Variants in NRXN3 observed in about 807,000 individuals in gnomAD.
The protein encoded by NRXN3 is neurexin 3, also known as neurexin III.
NRXN3 carries 32 observed loss-of-function variants against 137.6 expected under a neutral mutation model. The observed-to-expected ratio is 0.23, with a 90% CI of 0.18 to 0.31. The LOEUF is 0.31. Among genes scored for constraint, NRXN3 ranks in the 10% least tolerant of loss-of-function variants. The pLI is 1.00. For missense variants in NRXN3, 1,574 were observed against 2,062.5 expected (o/e 0.76, Z 4.59); for synonymous variants, 798 against 784.5 (o/e 1.02, Z -0.29).
intron 19 of NRXN3, among the ~76,000 whole-genome samples, chr14:79,798,780 G>A (rs2099168310): frequency 6.6e-6 from 1 of 152,190 alleles, no homozygotes; most frequent in Admixed American, 6.5e-5. Context: ...AAACGGTCTT[G>A]AGCAGTTCTG....
chr14:78,297,993 G>A lies in NRXN3; in HGVS notation c.757+133G>A, dbSNP rs1217329813. 4.9e-6 allele frequency: 5 copies of A among 1,021,534 alleles called. No individual in the cohort carries two copies. In the African/African-American group the frequency reaches 6.4e-5, roughly 13 times the overall value. 63.3% of individuals were successfully genotyped at this position (1,021,534 alleles called of 1,614,324 possible). Reference sequence around the variant, plus strand: ...CTTCCTGCGCTGGGCCAGGCTGGCTGCAGGACCACCCTGCAGTGGGGGTGG... The same window carrying A: ...CTTCCTGCGCTGGGCCAGGCTGGCTACAGGACCACCCTGCAGTGGGGGTGG... On this transcript the variant is annotated intron_variant, in intron 4 of 20. Coordinates refer to ENST00000335750, the MANE Select transcript of NRXN3 (RefSeq NM_001330195.2).
chr14:79,768,416 C>G (rs1475718751), intron 19 of NRXN3, among the ~76,000 whole-genome samples: 3 of 152,212 alleles, frequency 2.0e-5, no homozygotes, highest in Admixed American at 6.5e-5. Flanking sequence ...CAGCACGCAG[C>G]TGGAGATCTG....
intron 15 of NRXN3, among the ~76,000 whole-genome samples, chr14:79,230,406 CT>C (rs1336628611): frequency 6.6e-6 from 1 of 152,070 alleles, no homozygotes; most frequent in Non-Finnish European, 1.5e-5. Context: ...AGCATCTTAC[CT>C]ACATAAACTG....
chr14:79,604,293 G>A (rs975381098), intron 16 of NRXN3, among the ~76,000 whole-genome samples: 2 of 152,000 alleles, frequency 1.3e-5, no homozygotes, highest in African/African-American at 4.8e-5. Flanking sequence ...GGAGTGCAGT[G>A]GTGTGATCTC....
intron 15 of NRXN3, among the ~76,000 whole-genome samples, chr14:79,290,694 G>T (rs1284074305): frequency 6.7e-6 from 1 of 149,890 alleles, no homozygotes. Flanking sequence ...TAGCCACCAC[G>T]CTGGTTGAAA....
intron 1 of NRXN3, among the ~76,000 whole-genome samples, chr14:78,208,127 G>A (rs1160706842): frequency 1.3e-5 from 2 of 152,194 alleles, no homozygotes; most frequent in African/African-American, 4.8e-5. Context: ...ATAATTTGTA[G>A]GGTGTTAGAA....
At chr14:78,648,977 A>G (rs1161901426) in intron 5 of NRXN3, among the ~76,000 whole-genome samples, 1 of 152,126 alleles carries the variant, frequency 6.6e-6, no homozygotes, top group Non-Finnish European at 1.5e-5. Context: ...GAGATTTGGA[A>G]GAAGCAGGGA....
intron 1 of NRXN3, among the ~76,000 whole-genome samples, chr14:78,210,119 A>G (rs2062599083): frequency 1.3e-5 from 2 of 152,196 alleles, no homozygotes; most frequent in South Asian, 2.1e-4. Flanking sequence ...TCAGGCTGCT[A>G]TAGGAAAATA....
At chr14:79,162,095 AT>A (rs1272494423) in intron 15 of NRXN3, among the ~76,000 whole-genome samples, 2 of 53,326 alleles carry the variant, frequency 3.8e-5, no homozygotes, top group East Asian at 6.5e-4. Flanking sequence ...TAGTTTACTT[AT>A]TTTTTGTTTT....
intron 18 of NRXN3, among the ~76,000 whole-genome samples, chr14:79,695,637 G>GAAAA (rs10585470): frequency 2.3e-5 from 2 of 88,166 alleles, no homozygotes; most frequent in Non-Finnish European, 5.4e-5. Flanking sequence ...AGGGCTTCCA[G>GAAAA]AAAAAAAAAA....
At chr14:79,655,074 C>T (rs1261027464) in intron 16 of NRXN3, among the ~76,000 whole-genome samples, 1 of 152,168 alleles carries the variant, frequency 6.6e-6, no homozygotes, top group African/African-American at 2.4e-5. Flanking sequence ...GCATCCTGTT[C>T]AGAGCTGATC....
At chr14:78,794,019 GAA>G (rs1214456462) in intron 8 of NRXN3, among the ~76,000 whole-genome samples, 1 of 152,118 alleles carries the variant, frequency 6.6e-6, no homozygotes, top group East Asian at 1.9e-4. Context: ...AAATGTCAAA[GAA>G]TAATGTTCTC....
chr14:79,704,145 A>G (rs1324406161), intron 19 of NRXN3, among the ~76,000 whole-genome samples: 1 of 152,174 alleles, frequency 6.6e-6, no homozygotes, highest in Non-Finnish European at 1.5e-5. Context: ...TACAACACAT[A>G]GACTATTCTA....
At chr14:79,697,371 C>T (rs1284191753) in intron 18 of NRXN3, among the ~76,000 whole-genome samples, 2 of 151,848 alleles carry the variant, frequency 1.3e-5, no homozygotes, top group South Asian at 2.1e-4. Flanking sequence ...TATCATTGAA[C>T]CAAGATTTCT....
At chr14:78,296,876 T>A (rs1271887625) in intron 3 of NRXN3, among the ~76,000 whole-genome samples, 1 of 152,178 alleles carries the variant, frequency 6.6e-6, no homozygotes, top group Non-Finnish European at 1.5e-5. Flanking sequence ...AGTAAGGTTC[T>A]CTGGAGTGAT....
chr14:78,708,287 C>G (rs563918559), intron 6 of NRXN3, among the ~76,000 whole-genome samples: 1 of 152,258 alleles, frequency 6.6e-6, no homozygotes, highest in East Asian at 1.9e-4. Context: ...TCTGCTGGAC[C>G]CCCTTGCAAG....
At chr14:79,020,983 T>A (rs1322211475) in intron 15 of NRXN3, among the ~76,000 whole-genome samples, 1 of 152,108 alleles carries the variant, frequency 6.6e-6, no homozygotes, top group Non-Finnish European at 1.5e-5. Flanking sequence ...GAGTTTCCAG[T>A]TTAGATGTGT....
intron 4 of NRXN3, among the ~76,000 whole-genome samples, chr14:78,335,102 T>C (rs1174948289): frequency 1.3e-5 from 2 of 152,116 alleles, no homozygotes; most frequent in Non-Finnish European, 2.9e-5. Context: ...CCTTACCCCA[T>C]GAATTCCTGA....
chr14:78,519,051 TATC>T (rs1465544535), intron 4 of NRXN3, among the ~76,000 whole-genome samples: 1 of 152,150 alleles, frequency 6.6e-6, no homozygotes, highest in African/African-American at 2.4e-5. Flanking sequence ...TAGTATATAA[TATC>T]ATTCTGCTAT....
Sources: allele counts gnomAD v4.1 joint callset (sites outside exome capture counted in the v4.1 genomes callset), GRCh38; gene constraint gnomAD v4.1.1; transcripts MANE v1.5; gene names NCBI Gene and HGNC (gene_info 2026-07-23, HGNC 2026-07-21).